FA2H: variants seen among roughly 807,000 people sequenced by gnomAD.
The protein encoded by FA2H is fatty acid alpha-hydroxylase.
A neutral mutation model predicts 44.9 loss-of-function variants in FA2H; 22 were observed. That is an observed-to-expected ratio of 0.49 (90% CI 0.35 to 0.70). The LOEUF (loss-of-function observed/expected upper bound fraction) is 0.70. Among genes scored for constraint, FA2H ranks in the 30% least tolerant of loss-of-function variants. The probability of loss-of-function intolerance (pLI) is 0.01; values close to 1 mark genes in which losing one functional copy is unlikely to be tolerated. For missense variants in FA2H, 501 were observed against 504.9 expected, an observed-to-expected ratio of 0.99 and a Z score of 0.07; for synonymous variants, 243 against 213.2, an observed-to-expected ratio of 1.14 and a Z score of -1.22.
intron 1 of FA2H, among the ~76,000 whole-genome samples, chr16:74,744,737 C>T (rs776127826): frequency 1.3e-5 from 2 of 152,136 alleles, no homozygotes; most frequent in African/African-American, 4.8e-5. Flanking sequence ...TAGGTGTGCA[C>T]CACCATGTCC....
At chr16:74,732,112 G>A (rs1276494885) in intron 2 of FA2H, among the ~76,000 whole-genome samples, 1 of 151,412 alleles carries the variant, frequency 6.6e-6, no homozygotes, top group African/African-American at 2.4e-5. Flanking sequence ...TCGAGCTCCT[G>A]GGCTCAAGTG....
At chr16:74,732,579 G>T (rs377227400) in intron 2 of FA2H, among the ~76,000 whole-genome samples, 12 of 152,120 alleles carry the variant, frequency 7.9e-5, no homozygotes, top group African/African-American at 2.9e-4. Flanking sequence ...TGGGACTACA[G>T]GCATGCACCA....
In FA2H at chr16:74,727,455, G is replaced by A. The variant is rs953166721; in HGVS notation, c.364-69C>T. 55 of 1,526,544 alleles carry A rather than the reference G, an allele frequency of 3.6e-5. 1 individual carries two copies. Among genetic ancestry groups the A allele is most frequent in the South Asian group, 2.7e-4 (24 of 89,278 alleles). The allele number at this position is 1,526,544 out of a possible 1,614,324, so 94.6% of individuals were successfully genotyped here. A position where few individuals can be genotyped will look rare whatever the true frequency, so the allele number is the denominator to read the frequency against. On this transcript the variant is annotated intron_variant, in intron 2 of 6. Coordinates refer to ENST00000219368, the MANE Select transcript of FA2H (RefSeq NM_024306.5). ...CCCATATTCGTTCTCCCATTTCCTC[G>A]TTACAGCATCCCAATCCCCTGCTCC...
intron 1 of FA2H, among the ~76,000 whole-genome samples, chr16:74,766,652 C>G (rs1317873218): frequency 1.3e-5 from 2 of 151,482 alleles, no homozygotes; most frequent in African/African-American, 2.4e-5. Flanking sequence ...AGGGGGGGGG[C>G]TCCTGAAGAT....
intron 1 of FA2H, among the ~76,000 whole-genome samples, chr16:74,760,492 C>A (rs1217940126): frequency 6.6e-6 from 1 of 152,210 alleles, no homozygotes; most frequent in Admixed American, 6.5e-5. Flanking sequence ...CACTCCCTCA[C>A]CCCATGAAAG....
At chr16:74,724,799 T>A (rs1189626342) in intron 4 of FA2H, among the ~76,000 whole-genome samples, 2 of 152,078 alleles carry the variant, frequency 1.3e-5, no homozygotes, top group African/African-American at 4.8e-5. Context: ...CTCCCTGCCA[T>A]GCAGGAAAGA....
intron 1 of FA2H, among the ~76,000 whole-genome samples, chr16:74,757,334 C>G (rs1321440479): frequency 1.3e-5 from 2 of 152,194 alleles, no homozygotes; most frequent in African/African-American, 4.8e-5. Flanking sequence ...GAAAAGACTG[C>G]TAACACACAG....
At chr16:74,728,414 T>G (rs766506419) in intron 2 of FA2H, among the ~76,000 whole-genome samples, 1 of 152,152 alleles carries the variant, frequency 6.6e-6, no homozygotes, top group Non-Finnish European at 1.5e-5. Flanking sequence ...AGGAGGGCTT[T>G]GCAGAGGATC....
At chr16:74,744,278 G>T (rs916612513) in intron 1 of FA2H, among the ~76,000 whole-genome samples, 2 of 152,076 alleles carry the variant, frequency 1.3e-5, no homozygotes, top group African/African-American at 4.8e-5. Flanking sequence ...AGCTTTAAAA[G>T]GCTTTTAGAA....
intron 1 of FA2H, among the ~76,000 whole-genome samples, chr16:74,764,070 G>A (rs1382773687): frequency 6.6e-6 from 1 of 152,170 alleles, no homozygotes; most frequent in African/African-American, 2.4e-5. Context: ...CTTTATGAGT[G>A]TTGCTAGCAT....
intron 1 of FA2H, among the ~76,000 whole-genome samples, chr16:74,758,521 T>A (rs765868705): frequency 1.2e-4 from 19 of 152,194 alleles, no homozygotes; most frequent in Non-Finnish European, 2.8e-4. Context: ...CTAATTTTAT[T>A]CAACTATCCT....
At chr16:74,738,900 C>T (rs2240255) in intron 2 of FA2H, among the ~76,000 whole-genome samples, 38,692 of 152,218 alleles carry the variant, frequency 0.25, 5,193 homozygotes, top group East Asian at 0.47. Context: ...CTGCACCTCT[C>T]AGGAGGGGAC....
In FA2H at chr16:74,723,663, C is replaced by T. The variant is rs562490841; in HGVS notation, c.613+2562G>A. 4.6e-5 allele frequency among the ~76,000 whole-genome samples: 7 copies of T among 152,176 alleles called. No individual in the cohort carries two copies. In the South Asian group the frequency reaches 1.2e-3, roughly 27 times the overall value. On this transcript the variant is annotated intron_variant, in intron 4 of 6. Transcript: ENST00000219368. ...TGGGCTGGTCTGGTTGGTGAGAGAC[C>T]CTGCTTCCAGAGAAACCCTGATACC...
At chr16:74,736,397 C>A (rs1357839564) in intron 2 of FA2H, among the ~76,000 whole-genome samples, 1 of 152,166 alleles carries the variant, frequency 6.6e-6, no homozygotes, top group Non-Finnish European at 1.5e-5. Context: ...GCCCACAGTG[C>A]CAAGGCTGGT....
intron 1 of FA2H, among the ~76,000 whole-genome samples, chr16:74,758,382 A>G (rs1423648848): frequency 6.6e-6 from 1 of 151,990 alleles, no homozygotes; most frequent in African/African-American, 2.4e-5. Context: ...GGCCTCCTAA[A>G]ATGCTGGGAT....
intron 1 of FA2H, among the ~76,000 whole-genome samples, chr16:74,773,215 C>G (rs968296783): frequency 6.6e-6 from 1 of 152,104 alleles, no homozygotes; most frequent in South Asian, 2.1e-4. Context: ...AGAGTGAGTA[C>G]AGTACTATAA....
intron 1 of FA2H, among the ~76,000 whole-genome samples, chr16:74,746,295 C>T (rs914572823): frequency 1.3e-5 from 2 of 149,758 alleles, no homozygotes; most frequent in Non-Finnish European, 3.0e-5. Flanking sequence ...GGTCTCACTT[C>T]GTTGCCCAGG....
intron 5 of FA2H, chr16:74,716,847 A>T: frequency 2.4e-4 from 78 of 319,264 alleles, no homozygotes; most frequent in East Asian, 7.0e-4. Flanking sequence ...GATGGGCGGG[A>T]TGGGCAGGAT....
At chr16:74,755,496 C>A (rs1012346503) in intron 1 of FA2H, among the ~76,000 whole-genome samples, 1 of 152,150 alleles carries the variant, frequency 6.6e-6, no homozygotes, top group Non-Finnish European at 1.5e-5. Flanking sequence ...TGATGGCCAA[C>A]ATAATATCAC....
Sources: gnomAD v4.1 joint callset for allele counts (sites outside exome capture counted in the v4.1 genomes callset) on GRCh38, gnomAD v4.1.1 for gene constraint, MANE v1.5 for transcripts, NCBI Gene and HGNC (gene_info 2026-07-23, HGNC 2026-07-21) for gene names.